The following CAMTA1 variants were observed in gnomAD, a reference collection of about 807,000 sequenced individuals.
CAMTA1 encodes the protein calmodulin-binding transcription activator 1.
In CAMTA1, 27 loss-of-function variants were observed where a neutral mutation model predicts 170.9. The ratio of observed to expected loss-of-function variants is 0.16; its 90% CI spans 0.12 to 0.22. The LOEUF is 0.22. Among genes scored for constraint, CAMTA1 ranks in the 10% least tolerant of loss-of-function variants. The pLI, the probability that CAMTA1 is intolerant of heterozygous loss-of-function variation, is 1.00. For synonymous variants in CAMTA1, 833 were observed against 891.5 expected (o/e 0.93, Z 1.17); for missense variants, 1,619 against 2,217.2 (o/e 0.73, Z 5.42).
chr1:7,256,348 A>G (rs1667362038), intron 5 of CAMTA1, among the ~76,000 whole-genome samples: 1 of 152,146 alleles, frequency 6.6e-6, no homozygotes, highest in African/African-American at 2.4e-5. Flanking sequence ...TCATGAGGTC[A>G]GGAGATCGAG....
rs566215583 is a variant in CAMTA1, at chr1:7,754,669, CAAG to C, written c.4959-965_4959-963del. ...GTTAATAACCTTATAAGATGGATAA[CAAG>C]AAGGTTCATTATGAAGAGAACATCA... On this transcript the variant is annotated intron_variant, in intron 21 of 22. Transcript: ENST00000303635. Among the ~76,000 whole-genome samples, 12 of 152,214 alleles carry C rather than the reference CAAG, an allele frequency of 7.9e-5. No individual in the cohort carries two copies. The South Asian group carries it at 2.3e-3, about 29-fold the overall frequency.
At chr1:7,421,219 C>T (rs1351770988) in intron 5 of CAMTA1, among the ~76,000 whole-genome samples, 2 of 150,126 alleles carry the variant, frequency 1.3e-5, no homozygotes, top group Middle Eastern at 3.2e-3. Flanking sequence ...GTGGCATGAT[C>T]TCAGTTCACT....
chr1:7,065,074 A>G lies in CAMTA1; in HGVS notation c.235-26230A>G, dbSNP rs1167043154. Among the ~76,000 whole-genome samples the G allele has an allele frequency of 2.0e-5, 3 of 152,178 alleles. No homozygotes were observed. The highest frequency in any genetic ancestry group is 4.4e-5 in the Non-Finnish European group (3 of 68,022). On this transcript the variant is annotated intron_variant, in intron 3 of 22. Transcript: ENST00000303635. This position sits in a 1 kb window ranked among gnomAD's most constrained non-coding sequence, Gnocchi z 5.2. Reference sequence around the variant, plus strand: ...AGGCAAATAAAAAAATCTCTGTTGCACACGTTACATGTGGGATGCTCTTTA... The same window carrying G: ...AGGCAAATAAAAAAATCTCTGTTGCGCACGTTACATGTGGGATGCTCTTTA...
chr1:7,656,396 TCTC>T (rs1050359475), intron 7 of CAMTA1, among the ~76,000 whole-genome samples: 9 of 152,210 alleles, frequency 5.9e-5, no homozygotes, highest in African/African-American at 2.2e-4. Context: ...ACTCCTGGTG[TCTC>T]CTCCTCTACT....
chr1:7,010,465 G>C lies in CAMTA1; in HGVS notation c.235-80839G>C, dbSNP rs114067153. The stretch of plus-strand genomic sequence containing the variant: ...CTGAGGATGCCAGGAGACGCTTTCT[G>C]AACACAGTCTGCGTCCTTCCTTATT... On this transcript the variant is annotated intron_variant, in intron 3 of 22. Coordinates refer to ENST00000303635, the MANE Select transcript of CAMTA1 (RefSeq NM_015215.4). This position sits in a 1 kb window ranked among gnomAD's most constrained non-coding sequence, Gnocchi z 4.4. Among the ~76,000 whole-genome samples the C allele has an allele frequency of 1.8e-3, 275 of 152,328 alleles. 1 individual carries two copies. Among genetic ancestry groups the C allele is most frequent in the African/African-American group, 6.2e-3 (256 of 41,586 alleles).
intron 3 of CAMTA1, among the ~76,000 whole-genome samples, chr1:7,051,058 A>G (rs904828812): frequency 6.6e-6 from 1 of 152,066 alleles, no homozygotes; most frequent in African/African-American, 2.4e-5. Context: ...TTTGGTCGTG[A>G]TTGGTGAGGC....
At chr1:7,112,990 C>CCTTT (rs759077653) in intron 4 of CAMTA1, among the ~76,000 whole-genome samples, 36 of 152,318 alleles carry the variant, frequency 2.4e-4, no homozygotes, top group Middle Eastern at 3.4e-3. Flanking sequence ...TTGGTGGAAA[C>CCTTT]CTTTCCCGGC....
At chr1:7,725,226 C>T (rs149224184) in intron 11 of CAMTA1, among the ~76,000 whole-genome samples, 1 of 152,242 alleles carries the variant, frequency 6.6e-6, no homozygotes, top group African/African-American at 2.4e-5. Flanking sequence ...TATCCTTCCT[C>T]ATTCCCTGGA....
intron 3 of CAMTA1, among the ~76,000 whole-genome samples, chr1:6,987,070 T>G (rs547716866): frequency 2.6e-5 from 4 of 152,058 alleles, no homozygotes; most frequent in Non-Finnish European, 4.4e-5. Context: ...TCAACAAGAT[T>G]GAAATTGAAC....
At chr1:7,232,955 T>C (rs1663112470) in intron 4 of CAMTA1, among the ~76,000 whole-genome samples, 1 of 151,052 alleles carries the variant, frequency 6.6e-6, no homozygotes. Context: ...TGCTCTTCTT[T>C]TTTTTTTTTC....
Position 6,934,141 on chromosome 1 carries a change from G to A in CAMTA1, c.234+108931G>A, listed in dbSNP as rs566350427. Among the ~76,000 whole-genome samples, 3 of 152,194 alleles carry A rather than the reference G, an allele frequency of 2.0e-5. No individual in the cohort carries two copies. The highest frequency in any genetic ancestry group is 2.9e-5 in the Non-Finnish European group (2 of 68,036). ...CCATATGAGTGACTGAGGGGCCAGCGCCCGTGGTCGGCAGAAGGGGAGGTT... is the reference window on the plus strand; with the variant it reads ...CCATATGAGTGACTGAGGGGCCAGCACCCGTGGTCGGCAGAAGGGGAGGTT... On this transcript the variant is annotated intron_variant, in intron 3 of 22. Transcript: ENST00000303635. The surrounding 1 kb of genome is among the most constrained non-coding windows in gnomAD (Gnocchi z 4.5).
intron 3 of CAMTA1, among the ~76,000 whole-genome samples, chr1:7,042,375 C>G (rs984030084): frequency 6.6e-6 from 1 of 152,194 alleles, no homozygotes; most frequent in African/African-American, 2.4e-5. Context: ...ACCTTCTTCT[C>G]TTGGCTGGGA....
At chr1:7,331,675 C>A (rs6698915) in intron 5 of CAMTA1, among the ~76,000 whole-genome samples, 30 of 152,080 alleles carry the variant, frequency 2.0e-4, no homozygotes, top group African/African-American at 6.8e-4. Context: ...CTTGGCACCC[C>A]CTAGAGAGCT....
chr1:7,374,686 T>C (rs2086715626), intron 5 of CAMTA1, among the ~76,000 whole-genome samples: 2 of 152,146 alleles, frequency 1.3e-5, no homozygotes, highest in African/African-American at 4.8e-5. Flanking sequence ...CCCTGAGCAA[T>C]GGGCATGCAC....
At chr1:6,879,473 G>T (rs1191588855) in intron 3 of CAMTA1, among the ~76,000 whole-genome samples, 3 of 152,164 alleles carry the variant, frequency 2.0e-5, no homozygotes, top group Middle Eastern at 3.2e-3. Flanking sequence ...GTGCTGCTAG[G>T]TATTAGGTTG....
chr1:7,338,993 G>C (rs2083593460), intron 5 of CAMTA1, among the ~76,000 whole-genome samples: 1 of 152,164 alleles, frequency 6.6e-6, no homozygotes, highest in African/African-American at 2.4e-5. Context: ...GGATGAGAGA[G>C]AACAGGGAGG....
intron 4 of CAMTA1, among the ~76,000 whole-genome samples, chr1:7,230,904 C>T (rs1238701045): frequency 6.6e-6 from 1 of 152,120 alleles, no homozygotes; most frequent in African/African-American, 2.4e-5. Context: ...GTGGGATCCT[C>T]TCTCCTTGAA....
At chr1:7,381,101 A>G (rs1327283604) in intron 5 of CAMTA1, among the ~76,000 whole-genome samples, 1 of 152,190 alleles carries the variant, frequency 6.6e-6, no homozygotes, top group African/African-American at 2.4e-5. Context: ...AAAACATCAT[A>G]ATAGCGGTGA....
intron 3 of CAMTA1, among the ~76,000 whole-genome samples, chr1:6,837,475 T>A (rs1201046917): frequency 6.6e-6 from 1 of 152,174 alleles, no homozygotes; most frequent in African/African-American, 2.4e-5. Context: ...TATATTTACT[T>A]CTTTAGAAGT....
Sources: allele counts gnomAD v4.1 joint callset (sites outside exome capture counted in the v4.1 genomes callset), GRCh38; gene constraint gnomAD v4.1.1; non-coding constraint Gnocchi (gnomAD v3.1); transcripts MANE v1.5; gene names NCBI Gene and HGNC (gene_info 2026-07-23, HGNC 2026-07-21).